PARD3: variants seen among roughly 807,000 people sequenced by gnomAD.
The protein encoded by PARD3 is par-3 family cell polarity regulator.
PARD3 carries 75 observed loss-of-function variants against 155.4 expected under a neutral mutation model. The ratio of observed to expected loss-of-function variants is 0.48; its 90% CI spans 0.40 to 0.58. The LOEUF is 0.58. Ranked by LOEUF, PARD3 falls within the 20% of genes least tolerant of loss-of-function variation. PARD3 has a pLI of 0.00. For synonymous variants in PARD3, 576 were observed against 610.5 expected, an observed-to-expected ratio of 0.94 and a Z score of 0.83; for missense variants, 1,642 against 1,721.7, an observed-to-expected ratio of 0.95 and a Z score of 0.82.
At chr10:34,572,651 A>C (rs2086520085) in intron 2 of PARD3, among the ~76,000 whole-genome samples, 1 of 151,884 alleles carries the variant, frequency 6.6e-6, no homozygotes, top group Non-Finnish European at 1.5e-5. Flanking sequence ...AAAAAAAAAA[A>C]AAAAAACTTA....
At chr10:34,422,525 A>G (rs528750450) in intron 5 of PARD3, among the ~76,000 whole-genome samples, 115 of 152,142 alleles carry the variant, frequency 7.6e-4, no homozygotes, top group Non-Finnish European at 1.2e-3. Flanking sequence ...TGGAAATTAT[A>G]TATCTGGTAA....
intron 22 of PARD3, among the ~76,000 whole-genome samples, chr10:34,256,767 A>G (rs1370852346): frequency 7.0e-6 from 1 of 142,142 alleles, no homozygotes; most frequent in Non-Finnish European, 1.6e-5. Flanking sequence ...AGTTTTACAG[A>G]AATGTATATA....
At chr10:34,645,185 A>T (rs12781138) in intron 2 of PARD3, among the ~76,000 whole-genome samples, 2 of 104,498 alleles carry the variant, frequency 1.9e-5, no homozygotes, top group Admixed American at 9.5e-5. Flanking sequence ...ATTTTATTTT[A>T]TTTTTATTTT....
At chr10:34,253,846 G>C (rs1954475593) in intron 22 of PARD3, among the ~76,000 whole-genome samples, 1 of 152,174 alleles carries the variant, frequency 6.6e-6, no homozygotes. Context: ...AACTAGGTCA[G>C]CATGTTGTCA....
rs573041213 is a variant in PARD3 at position 34,665,542 on chromosome 10, A to T, written c.222+30776T>A. Among the ~76,000 whole-genome samples the T allele has an allele frequency of 7.2e-4, 109 of 151,162 alleles. 2 individuals carry two copies. Among genetic ancestry groups the T allele is most frequent in the Middle Eastern group, 6.9e-3 (2 of 290 alleles). On this transcript the variant is annotated intron_variant, in intron 2 of 24. Coordinates refer to ENST00000374788, the MANE Select transcript of PARD3 (RefSeq NM_001184785.2). ...TCACAAAAAAATTTTAAAAATTTTT[A>T]AAAAAAAGAAATTCTGGGCCTGGCA...
intron 1 of PARD3, among the ~76,000 whole-genome samples, chr10:34,802,109 T>C (rs995083211): frequency 1.3e-5 from 2 of 152,186 alleles, no homozygotes; most frequent in African/African-American, 4.8e-5. Flanking sequence ...GTGTTGCGGC[T>C]GCAATTATTT....
At chr10:34,474,696 G>A (rs2133122833) in intron 3 of PARD3, among the ~76,000 whole-genome samples, 1 of 152,324 alleles carries the variant, frequency 6.6e-6, no homozygotes, top group African/African-American at 2.4e-5. Flanking sequence ...CAAGACTTCA[G>A]GCTCCTGAGC....
At chr10:34,355,001 T>A (rs1396156594) in intron 14 of PARD3, among the ~76,000 whole-genome samples, 2 of 152,110 alleles carry the variant, frequency 1.3e-5, no homozygotes, top group Non-Finnish European at 2.9e-5. Context: ...AGGTCTGAAC[T>A]CAGGCAGTGG....
intron 22 of PARD3, among the ~76,000 whole-genome samples, chr10:34,207,369 G>T (rs1196226707): frequency 6.6e-6 from 1 of 152,204 alleles, no homozygotes; most frequent in Non-Finnish European, 1.5e-5. Context: ...GAGAGATGGA[G>T]CTGATTTCCT....
intron 22 of PARD3, among the ~76,000 whole-genome samples, chr10:34,229,505 T>A (rs1952800603): frequency 6.6e-6 from 1 of 152,034 alleles, no homozygotes; most frequent in Admixed American, 6.5e-5. Context: ...TACCCTGACC[T>A]CCCAAAGCGC....
intron 22 of PARD3, among the ~76,000 whole-genome samples, chr10:34,201,473 T>C (rs987283089): frequency 6.6e-6 from 1 of 152,124 alleles, no homozygotes. Flanking sequence ...AGAACTATAA[T>C]TAGAAGGAAA....
chr10:34,729,812 G>A (rs905407216), intron 1 of PARD3, among the ~76,000 whole-genome samples: 1 of 152,166 alleles, frequency 6.6e-6, no homozygotes, highest in African/African-American at 2.4e-5. Flanking sequence ...GGTCCAAGGA[G>A]TTCCTTGTAC....
At chr10:34,754,034 A>G (rs904436292) in intron 1 of PARD3, among the ~76,000 whole-genome samples, 32 of 149,426 alleles carry the variant, frequency 2.1e-4, no homozygotes, top group Admixed American at 2.0e-3. Flanking sequence ...TTTTTTTTTT[A>G]GAGACATCGT....
At chr10:34,138,705 A>T (rs568366133) in intron 22 of PARD3, among the ~76,000 whole-genome samples, 5 of 152,324 alleles carry the variant, frequency 3.3e-5, no homozygotes, top group African/African-American at 4.8e-5. Flanking sequence ...GTACATGGTA[A>T]AGATTTTTTG....
At chr10:34,175,226 C>T (rs920113596) in intron 22 of PARD3, among the ~76,000 whole-genome samples, 7 of 152,152 alleles carry the variant, frequency 4.6e-5, no homozygotes, top group African/African-American at 9.7e-5. Context: ...AGCTAAGCAT[C>T]GAGCAGGGCT....
chr10:34,208,328 G>T (rs1417570835), intron 22 of PARD3, among the ~76,000 whole-genome samples: 1 of 152,188 alleles, frequency 6.6e-6, no homozygotes, highest in Admixed American at 6.5e-5. Context: ...CTGTCTGCAG[G>T]TGGCCTGAAT....
At chr10:34,222,743 G>GA (rs1475059077) in intron 22 of PARD3, among the ~76,000 whole-genome samples, 12 of 152,202 alleles carry the variant, frequency 7.9e-5, no homozygotes, top group Middle Eastern at 6.3e-3. Context: ...CAGCCCTGCT[G>GA]AATCTGCTAC....
intron 2 of PARD3, among the ~76,000 whole-genome samples, chr10:34,638,922 C>A (rs2092575831): frequency 6.6e-6 from 1 of 152,162 alleles, no homozygotes; most frequent in Non-Finnish European, 1.5e-5. Flanking sequence ...AAATTAAGTT[C>A]TTTCACAATT....
intron 3 of PARD3, among the ~76,000 whole-genome samples, chr10:34,483,510 A>T (rs1429997298): frequency 1.3e-5 from 2 of 151,690 alleles, no homozygotes; most frequent in Non-Finnish European, 2.9e-5. Flanking sequence ...GAGAGAGAAA[A>T]AAAAACAGAA....
Sources: allele counts gnomAD v4.1 joint callset (sites outside exome capture counted in the v4.1 genomes callset), GRCh38; gene constraint gnomAD v4.1.1; transcripts MANE v1.5; gene names NCBI Gene and HGNC (gene_info 2026-07-23, HGNC 2026-07-21).